KAT2B: variants seen among roughly 807,000 people sequenced by gnomAD.
The protein encoded by KAT2B is lysine acetyltransferase 2B.
In KAT2B, 36 loss-of-function variants were observed where a neutral mutation model predicts 105.9. The ratio of observed to expected loss-of-function variants is 0.34; its 90% CI spans 0.26 to 0.45. The LOEUF (loss-of-function observed/expected upper bound fraction) is 0.45, where lower values mean the gene tolerates loss of function less well. Among genes scored for constraint, KAT2B ranks in the 20% least tolerant of loss-of-function variants. The pLI is 1.00. For synonymous variants in KAT2B, 397 were observed against 377.9 expected, an observed-to-expected ratio of 1.05 and a Z score of -0.59; for missense variants, 820 against 1,021.6, an observed-to-expected ratio of 0.80 and a Z score of 2.69.
chr3:20,067,773 C>G (rs1473080257), intron 1 of KAT2B, among the ~76,000 whole-genome samples: 1 of 151,408 alleles, frequency 6.6e-6, no homozygotes, highest in East Asian at 1.9e-4. Flanking sequence ...CTCCCAGGTT[C>G]AAGCGATTCT....
chr3:20,107,368 G>A (rs13076918), intron 5 of KAT2B, among the ~76,000 whole-genome samples: 96,140 of 150,998 alleles, frequency 0.64, 31,121 homozygotes, highest in African/African-American at 0.76. Context: ...TATAAAAAAT[G>A]CCATTTCAGC....
intron 1 of KAT2B, among the ~76,000 whole-genome samples, chr3:20,043,008 C>T (rs553971725): frequency 6.6e-6 from 1 of 152,130 alleles, no homozygotes; most frequent in East Asian, 1.9e-4. Flanking sequence ...TCAGGTGATC[C>T]TCCTACATCA....
intron 1 of KAT2B, among the ~76,000 whole-genome samples, chr3:20,048,277 C>G (rs1436749610): frequency 6.6e-6 from 1 of 152,164 alleles, no homozygotes; most frequent in Non-Finnish European, 1.5e-5. Flanking sequence ...GAAATTCAAG[C>G]CTGCAAAGCC....
At chr3:20,132,149 C>T (rs1167985726) in intron 11 of KAT2B, among the ~76,000 whole-genome samples, 8 of 151,994 alleles carry the variant, frequency 5.3e-5, no homozygotes, top group Admixed American at 2.6e-4. Flanking sequence ...CTGAGGCGGG[C>T]GGATCACCTG....
At chr3:20,130,709 C>G (rs1410638698) in intron 11 of KAT2B, among the ~76,000 whole-genome samples, 1 of 152,058 alleles carries the variant, frequency 6.6e-6, no homozygotes, top group African/African-American at 2.4e-5. Context: ...TTTCTAAAGA[C>G]TTGAAGGAAG....
At chr3:20,057,418 C>G (rs141420598) in intron 1 of KAT2B, among the ~76,000 whole-genome samples, 1 of 152,070 alleles carries the variant, frequency 6.6e-6, no homozygotes, top group Non-Finnish European at 1.5e-5. Context: ...AAGGAAACAA[C>G]GTATAAGGCA....
chr3:20,053,436 G>A (rs1248277021), intron 1 of KAT2B, among the ~76,000 whole-genome samples: 4 of 152,222 alleles, frequency 2.6e-5, no homozygotes, highest in East Asian at 3.8e-4. Context: ...TCAGGAGGCT[G>A]AAGCAGGAGG....
At chr3:20,057,893 AG>A (rs1446168207) in intron 1 of KAT2B, among the ~76,000 whole-genome samples, 2 of 152,142 alleles carry the variant, frequency 1.3e-5, no homozygotes, top group Non-Finnish European at 2.9e-5. Flanking sequence ...TAGCAAAGGG[AG>A]GGCAGTTTCT....
At position 20,061,843 on chromosome 3, in the gene KAT2B, A is replaced by C. The variant is rs973199155; in HGVS notation, c.304-10490A>C. On this transcript the variant is annotated intron_variant, in intron 1 of 17. Transcript: ENST00000263754. ...AAGTATATAATATATAATATACATA[A>C]AATATATATAATATACATAAAATAT... Among the ~76,000 whole-genome samples the C allele has an allele frequency of 3.1e-5, 4 of 128,158 alleles. 1 individual carries two copies. The highest frequency in any genetic ancestry group is 1.2e-4 in the African/African-American group (4 of 34,044). 84.1% of individuals were successfully genotyped at this position (128,158 alleles called of 152,430 possible). A position where few individuals can be genotyped will look rare whatever the true frequency, so the allele number is the denominator to read the frequency against.
intron 3 of KAT2B, among the ~76,000 whole-genome samples, chr3:20,096,841 A>T (rs1362446167): frequency 6.6e-6 from 1 of 151,934 alleles, no homozygotes; most frequent in Non-Finnish European, 1.5e-5. Flanking sequence ...TATTGTACTA[A>T]TGGGTTTTTT....
At chr3:20,053,082 A>G (rs1427367431) in intron 1 of KAT2B, among the ~76,000 whole-genome samples, 1 of 152,236 alleles carries the variant, frequency 6.6e-6, no homozygotes, top group Non-Finnish European at 1.5e-5. Context: ...ACTTACTCAT[A>G]GTTAAGTGTG....
chr3:20,125,283 C>T (rs931734436), intron 9 of KAT2B, among the ~76,000 whole-genome samples: 4 of 128,498 alleles, frequency 3.1e-5, no homozygotes, highest in African/African-American at 6.0e-5. Context: ...CTGGCCTGGG[C>T]GAAAGAGCGA....
At chr3:20,072,207 G>T in intron 1 of KAT2B, 126 bp from the exon 2 acceptor site, 1 of 939,998 alleles carries the variant, frequency 1.1e-6, no homozygotes. Flanking sequence ...TGTGTATATG[G>T]CAGACGACAA....
At chr3:20,095,041 T>C (rs1698784619) in intron 2 of KAT2B, among the ~76,000 whole-genome samples, 1 of 152,124 alleles carries the variant, frequency 6.6e-6, no homozygotes, top group Admixed American at 6.6e-5. Flanking sequence ...ATTTTTAACG[T>C]TGGGTGGGGA....
At chr3:20,061,388 G>A (rs1698097798) in intron 1 of KAT2B, among the ~76,000 whole-genome samples, 1 of 152,118 alleles carries the variant, frequency 6.6e-6, no homozygotes. Context: ...AAGGGATGCT[G>A]GGGTTGCTTG....
chr3:20,085,299 T>G (rs1044083460), intron 2 of KAT2B, among the ~76,000 whole-genome samples: 3 of 152,188 alleles, frequency 2.0e-5, no homozygotes, highest in African/African-American at 7.2e-5. Context: ...ATGAGGCCTG[T>G]TTCCCAAAGG....
chr3:20,096,171 G>C (rs746671186), intron 3 of KAT2B, among the ~76,000 whole-genome samples: 1 of 152,130 alleles, frequency 6.6e-6, no homozygotes, highest in African/African-American at 2.4e-5. Flanking sequence ...AATGCTTTAA[G>C]AGGAGAAATC....
intron 2 of KAT2B, among the ~76,000 whole-genome samples, chr3:20,090,023 C>T (rs951482974): frequency 4.7e-5 from 7 of 150,148 alleles, no homozygotes; most frequent in African/African-American, 9.7e-5. Context: ...AAAAAAAAAA[C>T]GAATGGTACT....
At chr3:20,062,941 T>C (rs1276148591) in intron 1 of KAT2B, among the ~76,000 whole-genome samples, 1 of 152,220 alleles carries the variant, frequency 6.6e-6, no homozygotes, top group Non-Finnish European at 1.5e-5. Context: ...TTATCAAATA[T>C]ATGGTTTGCA....
Sources: allele counts gnomAD v4.1 joint callset (sites outside exome capture counted in the v4.1 genomes callset), GRCh38; gene constraint gnomAD v4.1.1; transcripts MANE v1.5; gene names NCBI Gene and HGNC (gene_info 2026-07-23, HGNC 2026-07-21).